DAB1: variants seen among roughly 807,000 people sequenced by gnomAD.
The protein encoded by DAB1 is disabled homolog 1.
DAB1 carries 15 observed loss-of-function variants against 64.6 expected under a neutral mutation model. That is an observed-to-expected ratio of 0.23 (90% CI 0.16 to 0.36). The LOEUF (loss-of-function observed/expected upper bound fraction) is 0.36, where lower values mean the gene tolerates loss of function less well. Ranked by LOEUF, DAB1 falls within the 10% of genes least tolerant of loss-of-function variation. DAB1 has a pLI of 1.00. For missense variants in DAB1, 596 were observed against 706.7 expected, an observed-to-expected ratio of 0.84 and a Z score of 1.78; for synonymous variants, 235 against 251.9, an observed-to-expected ratio of 0.93 and a Z score of 0.64.
intron 1 of DAB1, among the ~76,000 whole-genome samples, chr1:57,391,691 T>C (rs527813658): frequency 1.3e-4 from 20 of 152,144 alleles, no homozygotes; most frequent in Non-Finnish European, 2.6e-4. Context: ...AAAATAACTA[T>C]ATAAGATGCT....
intron 6 of DAB1, among the ~76,000 whole-genome samples, chr1:57,721,554 G>A (rs1421118674): frequency 1.3e-5 from 2 of 152,324 alleles, no homozygotes; most frequent in East Asian, 1.9e-4. Context: ...AGCACAGAGA[G>A]GTTGTCATTT....
chr1:58,152,359 G>T (rs1240846470), intron 4 of DAB1, among the ~76,000 whole-genome samples: 2 of 152,156 alleles, frequency 1.3e-5, no homozygotes, highest in Non-Finnish European at 2.9e-5. Context: ...AAGGTAAAGA[G>T]AAATGCCACA....
In DAB1 at chr1:57,346,054, A is replaced by G. The variant is rs2161806; in HGVS notation, c.-136-54888T>C. 3.9e-3 allele frequency among the ~76,000 whole-genome samples: 598 copies of G among 152,304 alleles called. 8 individuals are homozygous for G. Among genetic ancestry groups the G allele is most frequent in the African/African-American group, 0.013 (560 of 41,546 alleles). ...AGAAGAAACCTGTCCAAGGTCAGAG[A>G]GCTAGAAAACGGAAGAGGTTAGTGA... On this transcript the variant is annotated intron_variant, in intron 1 of 14. Coordinates refer to ENST00000371236, the MANE Select transcript of DAB1 (RefSeq NM_001365792.1).
chr1:57,650,300 G>A (rs1171762130), intron 6 of DAB1, among the ~76,000 whole-genome samples: 3 of 134,326 alleles, frequency 2.2e-5, no homozygotes, highest in East Asian at 2.7e-4. Context: ...GTGCCACCAC[G>A]CCTGGCTAAT....
chr1:57,731,173 A>G (rs1647396601), intron 6 of DAB1, among the ~76,000 whole-genome samples: 2 of 152,224 alleles, frequency 1.3e-5, no homozygotes, highest in South Asian at 4.1e-4. Context: ...AAGCTACTAC[A>G]TAGATGAACC....
At chr1:57,809,196 C>A (rs1482037741) in intron 6 of DAB1, among the ~76,000 whole-genome samples, 4 of 152,098 alleles carry the variant, frequency 2.6e-5, no homozygotes, top group Non-Finnish European at 5.9e-5. Context: ...AGCAGAAAAG[C>A]ATCATTCAAA....
chr1:57,250,039 C>G (rs1446142021), intron 2 of DAB1, among the ~76,000 whole-genome samples: 1 of 152,150 alleles, frequency 6.6e-6, no homozygotes, highest in Non-Finnish European at 1.5e-5. Flanking sequence ...AGTCTGAATT[C>G]AGGACTGGCA....
At chr1:57,174,413 T>G (rs1662089505) in intron 2 of DAB1, among the ~76,000 whole-genome samples, 1 of 152,116 alleles carries the variant, frequency 6.6e-6, no homozygotes, top group Admixed American at 6.6e-5. Context: ...AACAAAATGA[T>G]TATAATATGC....
At chr1:57,359,945 G>C (rs1313851151) in intron 1 of DAB1, among the ~76,000 whole-genome samples, 1 of 151,986 alleles carries the variant, frequency 6.6e-6, no homozygotes, top group Admixed American at 6.6e-5. Context: ...GCTTGGGAGT[G>C]GGGGAAGGAT....
chr1:58,128,129 T>C (rs1321293432), intron 5 of DAB1, among the ~76,000 whole-genome samples: 1 of 152,100 alleles, frequency 6.6e-6, no homozygotes, highest in East Asian at 1.9e-4. Context: ...TCCTCTTTTA[T>C]TTCCTGGAGC....
At chr1:58,253,249 T>C (rs1660845592) in intron 4 of DAB1, among the ~76,000 whole-genome samples, 1 of 152,202 alleles carries the variant, frequency 6.6e-6, no homozygotes, top group Non-Finnish European at 1.5e-5. Flanking sequence ...GCTCTAAGGA[T>C]TTGCTCATTT....
At position 57,720,426 on chromosome 1, in the gene DAB1, C is replaced by G. The variant is rs780583759; in HGVS notation, n.552-70761G>C. ...AGTACCTGACTCCTAACCACTGCCC[C>G]ATATTGCCAATAACAATAACAGGGA... On this transcript the variant is annotated intron_variant and non_coding_transcript_variant, in intron 6 of 20. Transcript: ENST00000485760. Among the ~76,000 whole-genome samples, 63 of 152,328 alleles carry G rather than the reference C, an allele frequency of 4.1e-4. 1 individual carries two copies. Among genetic ancestry groups the G allele is most frequent in the Admixed American group, 6.5e-4 (10 of 15,296 alleles).
chr1:58,416,983 T>C (rs1644727415), intron 3 of DAB1, among the ~76,000 whole-genome samples: 1 of 152,256 alleles, frequency 6.6e-6, no homozygotes, highest in Admixed American at 6.5e-5. Context: ...CATTTGAAGA[T>C]ATTGAGTTAA....
intron 7 of DAB1, among the ~76,000 whole-genome samples, chr1:57,558,705 A>G (rs929724206): frequency 2.6e-5 from 4 of 152,162 alleles, no homozygotes; most frequent in Admixed American, 2.6e-4. Context: ...GAGTTAAAAA[A>G]CATTCTAATA....
At chr1:58,381,199 CT>C (rs983205667) in intron 3 of DAB1, among the ~76,000 whole-genome samples, 5 of 152,050 alleles carry the variant, frequency 3.3e-5, no homozygotes, top group Non-Finnish European at 7.3e-5. Context: ...GAATGTTGGG[CT>C]TAATACCCAG....
At chr1:58,423,922 T>C (rs1463644306) in intron 3 of DAB1, among the ~76,000 whole-genome samples, 1 of 152,208 alleles carries the variant, frequency 6.6e-6, no homozygotes, top group Non-Finnish European at 1.5e-5. Flanking sequence ...GCAAGGCTCC[T>C]AATAAATACC....
At chr1:57,882,964 C>T (rs1445697753) in intron 1 of DAB1, among the ~76,000 whole-genome samples, 1 of 152,192 alleles carries the variant, frequency 6.6e-6, no homozygotes, top group African/African-American at 2.4e-5. Context: ...GAATGCCAGA[C>T]ACTGAAGCCG....
chr1:58,329,949 G>A (rs971553469), intron 4 of DAB1, among the ~76,000 whole-genome samples: 7 of 152,150 alleles, frequency 4.6e-5, no homozygotes, highest in South Asian at 2.1e-4. Context: ...CCTTACAATG[G>A]CCTATAAATA....
intron 6 of DAB1, among the ~76,000 whole-genome samples, chr1:57,739,402 C>T (rs919870646): frequency 6.9e-6 from 1 of 145,260 alleles, no homozygotes; most frequent in South Asian, 2.3e-4. Flanking sequence ...CGTCTATGCA[C>T]CAACTTCTCA....
Sources: gnomAD v4.1 joint callset for allele counts (sites outside exome capture counted in the v4.1 genomes callset) on GRCh38, gnomAD v4.1.1 for gene constraint, MANE v1.5 for transcripts, NCBI Gene and HGNC (gene_info 2026-07-23, HGNC 2026-07-21) for gene names.